The following AOAH variants were observed in gnomAD, a reference collection of about 807,000 sequenced individuals.
AOAH encodes acyloxyacyl hydrolase (neutrophil).
AOAH carries 64 observed loss-of-function variants against 92.2 expected under a neutral mutation model. The ratio of observed to expected loss-of-function variants is 0.69; its 90% CI spans 0.57 to 0.86. The LOEUF (loss-of-function observed/expected upper bound fraction) is 0.86, where lower values mean the gene tolerates loss of function less well. Among genes scored for constraint, AOAH ranks in the 40% least tolerant of loss-of-function variants. AOAH has a pLI of 0.00. For missense variants in AOAH, 656 were observed against 694.6 expected, an observed-to-expected ratio of 0.94 and a Z score of 0.62; for synonymous variants, 263 against 254.5, an observed-to-expected ratio of 1.03 and a Z score of -0.32.
At chr7:36,630,253 T>C (rs992509994) in intron 6 of AOAH, among the ~76,000 whole-genome samples, 2 of 152,240 alleles carry the variant, frequency 1.3e-5, no homozygotes, top group African/African-American at 4.8e-5. Context: ...TGTGGTGTTT[T>C]GTAACCGCAG....
rs532098898 is a variant in AOAH at position 36,538,813 on chromosome 7, T to C, written c.1306+1506A>G. Among the ~76,000 whole-genome samples the C allele has an allele frequency of 3.3e-5, 5 of 152,332 alleles. No individual in the cohort carries two copies. The South Asian group carries it at 1.0e-3, about 32-fold the overall frequency. Reference sequence around the variant, plus strand: ...GTCAAAGTTGCATGAACAGGAAGAATATGCTCTACTTAGGTGAGGCTGTAC... The same window carrying C: ...GTCAAAGTTGCATGAACAGGAAGAACATGCTCTACTTAGGTGAGGCTGTAC... On this transcript the variant is annotated intron_variant, in intron 16 of 20. Transcript: ENST00000617537.
At chr7:36,585,085 G>C (rs1433177845) in intron 12 of AOAH, among the ~76,000 whole-genome samples, 1 of 152,008 alleles carries the variant, frequency 6.6e-6, no homozygotes, top group African/African-American at 2.4e-5. Context: ...GACATGATAG[G>C]ATCTCAGAAA....
At chr7:36,604,817 G>C (rs1790880952) in intron 11 of AOAH, among the ~76,000 whole-genome samples, 1 of 152,214 alleles carries the variant, frequency 6.6e-6, no homozygotes, top group African/African-American at 2.4e-5. Context: ...CCACAGCTGA[G>C]CCCATATCCT....
At chr7:36,581,778 A>G (rs1428454310) in intron 12 of AOAH, among the ~76,000 whole-genome samples, 1 of 152,194 alleles carries the variant, frequency 6.6e-6, no homozygotes, top group Non-Finnish European at 1.5e-5. Flanking sequence ...CCAATAGGAG[A>G]TAGTTCTAAT....
At position 36,616,388 on chromosome 7, in the gene AOAH, T is replaced by C. The variant is rs577974988; in HGVS notation, c.838A>G (p.Met280Val). ...CTGCCAAAATTACTTACCAAAGACA[T>C]CTGCGACGCTGTGATCCATTCAGGA... The part of the protein sequence containing the change: ...ISPEWITASQ[M>V]SLNSFINLPT... Residue 280 changes from methionine to valine, a missense_variant, in exon 11 of 21, where the codon ATG (methionine) becomes GTG (valine). Coordinates refer to ENST00000617537, the MANE Select transcript of AOAH (RefSeq NM_001637.4). The C allele has an allele frequency of 6.2e-7, 1 of 1,613,518 alleles. No individual in the cohort carries two copies. The highest frequency in any genetic ancestry group is 1.7e-5 in the Admixed American group (1 of 60,010).
chr7:36,600,899 T>A lies in AOAH; in HGVS notation c.847-6469A>T, dbSNP rs538514040. Among the ~76,000 whole-genome samples the A allele has an allele frequency of 2.0e-5, 3 of 152,334 alleles. No homozygotes were observed. In the South Asian group the frequency reaches 6.2e-4, roughly 32 times the overall value. On this transcript the variant is annotated intron_variant, in intron 11 of 20. Coordinates refer to ENST00000617537, the MANE Select transcript of AOAH (RefSeq NM_001637.4). ...CTTTTCCTTCTCTCTTTCTCTTGTA[T>A]GGAGACCGTGTCTAATTTATGAAGA...
chr7:36,620,463 G>A (rs2116050661), intron 9 of AOAH, among the ~76,000 whole-genome samples: 1 of 152,298 alleles, frequency 6.6e-6, no homozygotes. Flanking sequence ...TCCAACAGCT[G>A]TGTGGGTTGC....
At chr7:36,585,551 G>A (rs73107110) in intron 12 of AOAH, among the ~76,000 whole-genome samples, 362 of 152,238 alleles carry the variant, frequency 2.4e-3, no homozygotes, top group Non-Finnish European at 3.8e-3. Context: ...GCAGCATTAC[G>A]AAGAATAATG....
chr7:36,670,141 A>G (rs1441182036), intron 3 of AOAH, among the ~76,000 whole-genome samples: 1 of 152,108 alleles, frequency 6.6e-6, no homozygotes, highest in African/African-American at 2.4e-5. Context: ...TCCATGAATT[A>G]TTGAGAACTG....
intron 11 of AOAH, chr7:36,594,710 AC>A (rs1329283313): frequency 2.3e-6 from 1 of 426,842 alleles, no homozygotes; most frequent in Non-Finnish European, 4.3e-6. Context: ...GCTTCAGCAG[AC>A]TAAACTTCCC....
chr7:36,670,693 T>G (rs906086810), intron 3 of AOAH, among the ~76,000 whole-genome samples: 11 of 152,162 alleles, frequency 7.2e-5, no homozygotes, highest in African/African-American at 2.7e-4. Flanking sequence ...GCCAGGATGC[T>G]CTCGATCTCC....
In AOAH at chr7:36,649,382, A is replaced by G. The variant is rs1054724238; in HGVS notation, c.390+9784T>C. ...CATTGCACCTTTGTAATTAGTCAGCATGAGAGACAGGACTAGCTGGATTTC... is the reference window on the plus strand; with the variant it reads ...CATTGCACCTTTGTAATTAGTCAGCGTGAGAGACAGGACTAGCTGGATTTC... On this transcript the variant is annotated intron_variant, in intron 4 of 20. Transcript: ENST00000617537. Among the ~76,000 whole-genome samples, 3 of 152,208 alleles carry G rather than the reference A, an allele frequency of 2.0e-5. No individual in the cohort carries two copies. The East Asian group carries it at 5.8e-4, about 29-fold the overall frequency.
chr7:36,514,010 C>CT (rs1250320359), intron 20 of AOAH, among the ~76,000 whole-genome samples: 1 of 152,210 alleles, frequency 6.6e-6, no homozygotes, highest in Non-Finnish European at 1.5e-5. Context: ...CTAGCATTTA[C>CT]TGCAGGCCTA....
chr7:36,562,518 C>A (rs1787348028), intron 13 of AOAH, among the ~76,000 whole-genome samples: 1 of 152,084 alleles, frequency 6.6e-6, no homozygotes, highest in Non-Finnish European at 1.5e-5. Context: ...AATGGAGAGC[C>A]CACCTGTCTC....
At chr7:36,669,484 G>C (rs530807155) in intron 3 of AOAH, among the ~76,000 whole-genome samples, 1 of 150,308 alleles carries the variant, frequency 6.7e-6, no homozygotes, top group East Asian at 2.0e-4. Context: ...CTGGGTTCAA[G>C]TGATTCTTCT....
chr7:36,520,065 A>C (rs1443652454), intron 20 of AOAH, among the ~76,000 whole-genome samples: 1 of 152,218 alleles, frequency 6.6e-6, no homozygotes, highest in Non-Finnish European at 1.5e-5. Context: ...GCATGTGAAC[A>C]AGTCTTGCAG....
chr7:36,558,385 G>GT (rs905435910), intron 13 of AOAH, among the ~76,000 whole-genome samples: 5 of 152,220 alleles, frequency 3.3e-5, no homozygotes, highest in African/African-American at 1.2e-4. Context: ...TGAGGTGTCA[G>GT]TTTGCCCCTA....
At chr7:36,626,746 CA>C (rs1792689822) in intron 6 of AOAH, among the ~76,000 whole-genome samples, 1 of 152,138 alleles carries the variant, frequency 6.6e-6, no homozygotes, top group Non-Finnish European at 1.5e-5. Flanking sequence ...ACCTGAATTT[CA>C]AATCATATCT....
chr7:36,678,594 T>TGCGC lies in AOAH; in HGVS notation c.224-4586_224-4585insGCGC, dbSNP rs1201121377. Among the ~76,000 whole-genome samples the TGCGC allele has an allele frequency of 5.1e-4, 71 of 139,056 alleles. 2 individuals carry two copies. The highest frequency in any genetic ancestry group is 1.9e-3 in the African/African-American group (69 of 35,696). 91.2% of individuals were successfully genotyped at this position (139,056 alleles called of 152,430 possible). ...GTGTGTGTGTGTGTGTGTGTGTGTG[T>TGCGC]GTGTGTGCGCGCGCGCGCGCGTTAG... On this transcript the variant is annotated intron_variant, in intron 2 of 20. Transcript: ENST00000617537.
Sources: allele counts gnomAD v4.1 joint callset (sites outside exome capture counted in the v4.1 genomes callset), GRCh38; gene constraint gnomAD v4.1.1; transcripts MANE v1.5; gene names NCBI Gene and HGNC (gene_info 2026-07-23, HGNC 2026-07-21).